Variants in PDE8A observed in about 807,000 individuals in gnomAD.
PDE8A encodes high affinity cAMP-specific and IBMX-insensitive 3',5'-cyclic phosphodiesterase 8A.
In PDE8A, 59 loss-of-function variants were observed where a neutral mutation model predicts 105.0. The ratio of observed to expected loss-of-function variants is 0.56; its 90% confidence interval spans 0.46 to 0.70. PDE8A has a LOEUF of 0.70. PDE8A is among the 30% of genes least tolerant of loss of function. The pLI, the probability that PDE8A is intolerant of heterozygous loss-of-function variation, is 0.00. For synonymous variants in PDE8A, 355 were observed against 371.9 expected, an observed-to-expected ratio of 0.95 and a Z score of 0.52; for missense variants, 1,014 against 1,045.9, an observed-to-expected ratio of 0.97 and a Z score of 0.42.
chr15:85,080,333 A>G (rs914330822), intron 5 of PDE8A, among the ~76,000 whole-genome samples: 15 of 152,176 alleles, frequency 9.9e-5, no homozygotes, highest in African/African-American at 3.6e-4. Context: ...TTACTTAGCC[A>G]GCAGTAAGGC....
At chr15:85,017,887 C>A (rs1165773307) in intron 1 of PDE8A, among the ~76,000 whole-genome samples, 46 of 81,256 alleles carry the variant, frequency 5.7e-4, no homozygotes, top group African/African-American at 8.8e-4. Context: ...AACTCCGTCT[C>A]AAAAAAAAAA....
chr15:85,100,251 AAT>A, intron 11 of PDE8A, 53 bp downstream of exon 11: 1 of 1,485,406 alleles, frequency 6.7e-7, no homozygotes, highest in South Asian at 1.2e-5. Flanking sequence ...GGAGAAAAAA[AAT>A]AAAAACAGAT....
chr15:85,048,527 C>G (rs981538141), intron 1 of PDE8A, among the ~76,000 whole-genome samples: 4 of 152,102 alleles, frequency 2.6e-5, no homozygotes, highest in Non-Finnish European at 5.9e-5. Context: ...GAAACTGTGC[C>G]CCATACTGTA....
chr15:85,019,211 T>C (rs2080378919), intron 1 of PDE8A, among the ~76,000 whole-genome samples: 1 of 152,156 alleles, frequency 6.6e-6, no homozygotes, highest in Non-Finnish European at 1.5e-5. Context: ...TGGATGATAT[T>C]AAGAGGTTAT....
intron 1 of PDE8A, among the ~76,000 whole-genome samples, chr15:85,022,267 A>G (rs748574511): frequency 1.3e-5 from 2 of 152,128 alleles, no homozygotes; most frequent in Non-Finnish European, 2.9e-5. Flanking sequence ...CATTGGTCCA[A>G]AGACATGGGT....
At chr15:84,994,828 G>A (rs1437970942) in intron 1 of PDE8A, among the ~76,000 whole-genome samples, 1 of 152,086 alleles carries the variant, frequency 6.6e-6, no homozygotes, top group Admixed American at 6.6e-5. Context: ...GCTGGGCATG[G>A]TGGCAGGTGC....
Position 85,138,049 on chromosome 15 carries a change from A to G in PDE8A, c.*146A>G. 1 of 576,990 alleles carries G rather than the reference A, an allele frequency of 1.7e-6. No individual in the cohort carries two copies. The allele number at this position is 576,990 out of a possible 1,614,324, so 35.7% of individuals were successfully genotyped here. On this transcript the variant is annotated 3_prime_UTR_variant, in exon 22 of 22. Coordinates refer to ENST00000394553, the MANE Select transcript of PDE8A (RefSeq NM_002605.3). ...TGTGAAAGCCCACGGGGACATCAGT[A>G]ACCTTCTGCAGCCACCATCCAATGC...
intron 5 of PDE8A, among the ~76,000 whole-genome samples, chr15:85,077,193 T>C (rs1038629180): frequency 6.6e-6 from 1 of 152,198 alleles, no homozygotes; most frequent in Non-Finnish European, 1.5e-5. Flanking sequence ...CAGGATGTAT[T>C]GTTATGATGC....
chr15:85,026,337 T>G (rs765948549), intron 1 of PDE8A, among the ~76,000 whole-genome samples: 2 of 152,062 alleles, frequency 1.3e-5, no homozygotes, highest in Non-Finnish European at 2.9e-5. Flanking sequence ...CTGGGGTGCC[T>G]TGAAGGCTAG....
intron 6 of PDE8A, among the ~76,000 whole-genome samples, 197 bp downstream of exon 6, chr15:85,083,841 A>G (rs991029539): frequency 6.6e-6 from 1 of 152,162 alleles, no homozygotes; most frequent in Admixed American, 6.5e-5. Flanking sequence ...GTGATTAGAG[A>G]CTCACATTTA....
intron 1 of PDE8A, among the ~76,000 whole-genome samples, chr15:84,987,568 T>C: frequency 6.7e-6 from 1 of 148,496 alleles, no homozygotes; most frequent in Non-Finnish European, 1.5e-5. Context: ...GCCTCCCGGG[T>C]CGAAGCAATT....
At chr15:85,059,221 C>T (rs779881542) in intron 1 of PDE8A, among the ~76,000 whole-genome samples, 2 of 152,172 alleles carry the variant, frequency 1.3e-5, no homozygotes, top group African/African-American at 2.4e-5. Flanking sequence ...CTCACTTTAT[C>T]CTTAAGATAC....
At chr15:85,110,651 C>T (rs940723748) in intron 12 of PDE8A, among the ~76,000 whole-genome samples, 7 of 152,138 alleles carry the variant, frequency 4.6e-5, no homozygotes, top group African/African-American at 7.2e-5. Flanking sequence ...AGTAGTATTC[C>T]GTTACAGGAA....
At chr15:85,031,060 T>A in intron 1 of PDE8A, among the ~76,000 whole-genome samples, 1 of 152,224 alleles carries the variant, frequency 6.6e-6, no homozygotes, top group East Asian at 1.9e-4. Flanking sequence ...AAATGACAAT[T>A]TTACATCTAA....
At chr15:85,025,402 A>G (rs1277693561) in intron 1 of PDE8A, among the ~76,000 whole-genome samples, 3 of 147,486 alleles carry the variant, frequency 2.0e-5, no homozygotes, top group Admixed American at 6.7e-5. Flanking sequence ...TGTCCTATTC[A>G]TGAATTTCCT....
rs1217641984 is a variant in PDE8A at position 85,137,780 on chromosome 15, C to CCTAT, written c.2384-14_2384-11dup. 2 of 1,478,654 alleles carry CCTAT rather than the reference C, an allele frequency of 1.4e-6. No individual in the cohort carries two copies. Among genetic ancestry groups the CCTAT allele is most frequent in the Admixed American group, 1.7e-5 (1 of 59,784 alleles). 91.6% of individuals were successfully genotyped at this position (1,478,654 alleles called of 1,614,324 possible). On this transcript the variant is annotated splice_polypyrimidine_tract_variant and intron_variant, in intron 21 of 21. Coordinates refer to ENST00000394553, the MANE Select transcript of PDE8A (RefSeq NM_002605.3). ...AGAGGCTGTGAAAGCATATCACATT[C>CCTAT]CTATCTTTCTCTCCAGCCTTTGTAG...
intron 20 of PDE8A, among the ~76,000 whole-genome samples, chr15:85,128,739 C>T (rs1250333789): frequency 6.6e-6 from 1 of 152,102 alleles, no homozygotes; most frequent in African/African-American, 2.4e-5. Flanking sequence ...AGACACTTCC[C>T]CAAAGAAGCT....
At chr15:85,044,689 G>T (rs985351790) in intron 1 of PDE8A, among the ~76,000 whole-genome samples, 1 of 152,128 alleles carries the variant, frequency 6.6e-6, no homozygotes, top group Non-Finnish European at 1.5e-5. Flanking sequence ...CTCTGTGGCC[G>T]GCCCCAGGCC....
chr15:85,057,427 G>A (rs1347656221), intron 1 of PDE8A, among the ~76,000 whole-genome samples: 2 of 152,234 alleles, frequency 1.3e-5, no homozygotes, highest in Admixed American at 6.5e-5. Context: ...ATAGAGGCAG[G>A]CAGGCCTCCT....
Sources: gnomAD v4.1 joint callset for allele counts (sites outside exome capture counted in the v4.1 genomes callset) on GRCh38, gnomAD v4.1.1 for gene constraint, MANE v1.5 for transcripts, NCBI Gene and HGNC (gene_info 2026-07-23, HGNC 2026-07-21) for gene names.